Variants in CDC42EP2 observed in about 807,000 individuals in gnomAD.
The protein encoded by CDC42EP2 is CDC42 effector protein 2.
A neutral mutation model predicts 7.3 loss-of-function variants in CDC42EP2; 5 were observed. The ratio of observed to expected loss-of-function variants is 0.68; its 90% CI spans 0.36 to 1.44. The LOEUF (loss-of-function observed/expected upper bound fraction) is 1.44. CDC42EP2 is among the 40% of genes most tolerant of loss of function. The probability of loss-of-function intolerance (pLI) is 0.04; values close to 1 mark genes in which losing one functional copy is unlikely to be tolerated. For missense variants in CDC42EP2, 251 were observed against 282.6 expected, an observed-to-expected ratio of 0.89 and a Z score of 0.80; for synonymous variants, 113 against 123.6, an observed-to-expected ratio of 0.91 and a Z score of 0.57.
intron 1 of CDC42EP2, among the ~76,000 whole-genome samples, chr11:65,317,781 TATAA>T (rs1555026119): frequency 1.3e-5 from 2 of 152,006 alleles, no homozygotes; most frequent in Non-Finnish European, 2.9e-5. Context: ...AATATGTGCA[TATAA>T]ATAATACATT....
rs1271400013 is a variant in CDC42EP2, at chr11:65,315,210, C to T, written c.-356+256C>T. ...TCTGCCCTCCATTTTGTGTCCGGGC[C>T]CCCGCCCCCCTCCCGAGACCCAGGG... is the stretch of plus-strand genomic sequence containing the variant. On this transcript the variant is annotated intron_variant, in intron 1 of 1. Transcript: ENST00000279249. This position sits in a 1 kb window ranked among gnomAD's most constrained non-coding sequence, Gnocchi z 4.1. Among the ~76,000 whole-genome samples the T allele has an allele frequency of 1.3e-5, 2 of 152,230 alleles. No individual in the cohort carries two copies. The highest frequency in any genetic ancestry group is 2.4e-5 in the African/African-American group (1 of 41,466).
At position 65,321,643 on chromosome 11, in the gene CDC42EP2, T is replaced by C; in HGVS notation, c.*112T>C. 2.0e-6 allele frequency: 2 copies of C among 975,686 alleles called. No homozygotes were observed. The highest frequency in any genetic ancestry group is 2.5e-5 in the Admixed American group (1 of 40,750). The allele number at this position is 975,686 out of a possible 1,614,324, so 60.4% of individuals were successfully genotyped here. On this transcript the variant is annotated 3_prime_UTR_variant, in exon 2 of 2. Transcript: ENST00000279249. This position sits in a 1 kb window ranked among gnomAD's most constrained non-coding sequence, Gnocchi z 4.4. ...CCCAAGATCCCACCTGTATGGTCGC[T>C]GGCCAGTGATTCTCCTTCTGAGCCG...
rs1014185100 is a variant in CDC42EP2 at position 65,315,350 on chromosome 11, G to A, written c.-356+396G>A. ...AATGTCCTGAAACGGATCCGGGCTG[G>A]GCTGGGCTCCGCCCGGGTAGGAGTG... On this transcript the variant is annotated intron_variant, in intron 1 of 1. Coordinates refer to ENST00000279249, the MANE Select transcript of CDC42EP2 (RefSeq NM_006779.4). This position sits in a 1 kb window ranked among gnomAD's most constrained non-coding sequence, Gnocchi z 4.1. 5.9e-5 allele frequency among the ~76,000 whole-genome samples: 9 copies of A among 152,208 alleles called. No individual in the cohort carries two copies. The highest frequency in any genetic ancestry group is 8.8e-5 in the Non-Finnish European group (6 of 68,024).
At position 65,315,964 on chromosome 11, in the gene CDC42EP2, A is replaced by C. The variant is rs1399293382; in HGVS notation, c.-356+1010A>C. On this transcript the variant is annotated intron_variant, in intron 1 of 1. Coordinates refer to ENST00000279249, the MANE Select transcript of CDC42EP2 (RefSeq NM_006779.4). The surrounding 1 kb of genome is among the most constrained non-coding windows in gnomAD (Gnocchi z 4.1). ...AGGCCTTGTAGATATTTGCTGAATG[A>C]ATGATAAAACCTACAGTGACCCGCT... Among the ~76,000 whole-genome samples, 1 of 152,206 alleles carries C rather than the reference A, an allele frequency of 6.6e-6. No homozygotes were observed. The highest frequency in any genetic ancestry group is 1.5e-5 in the Non-Finnish European group (1 of 68,028).
chr11:65,318,167 C>A (rs1392440504), intron 1 of CDC42EP2, among the ~76,000 whole-genome samples: 4 of 151,854 alleles, frequency 2.6e-5, no homozygotes, highest in Admixed American at 2.0e-4. Context: ...ACGATCTAGG[C>A]CCACTGCAAC....
In CDC42EP2 at chr11:65,318,094, T is replaced by A. The variant is rs185293351; in HGVS notation, c.-355-2450T>A. On this transcript the variant is annotated intron_variant, in intron 1 of 1. Coordinates refer to ENST00000279249, the MANE Select transcript of CDC42EP2 (RefSeq NM_006779.4). ...TTCTCTGTGTTTTAAATTTTTTTTT[T>A]AATTTTTTTTATTTTTTTTGAGGCG... Among the ~76,000 whole-genome samples the A allele has an allele frequency of 5.5e-3, 823 of 150,532 alleles. 6 individuals are homozygous for A. Among genetic ancestry groups the A allele is most frequent in the African/African-American group, 0.017 (716 of 40,944 alleles).
rs1160319120 is a variant in CDC42EP2 at position 65,315,041 on chromosome 11, GCTCTGC to G, written c.-356+92_-356+97del. Reference sequence around the variant, plus strand: ...GCGCCCCGCCCCAGCTCGCGCCCTGGCTCTGCCTCTCACCTCACTCAGTTCCTTTCG... The same window carrying G: ...GCGCCCCGCCCCAGCTCGCGCCCTGGCTCTCACCTCACTCAGTTCCTTTCG... On this transcript the variant is annotated intron_variant, in intron 1 of 1. Coordinates refer to ENST00000279249, the MANE Select transcript of CDC42EP2 (RefSeq NM_006779.4). The surrounding 1 kb of genome is among the most constrained non-coding windows in gnomAD (Gnocchi z 4.1). 1 of 152,132 alleles carries G rather than the reference GCTCTGC, an allele frequency of 6.6e-6. No homozygotes were observed. Among genetic ancestry groups the G allele is most frequent in the Non-Finnish European group, 1.5e-5 (1 of 68,102 alleles). 9.4% of individuals were successfully genotyped at this position (152,132 alleles called of 1,614,324 possible).
At position 65,320,104 on chromosome 11, in the gene CDC42EP2, G is replaced by C. The variant is rs921603937; in HGVS notation, c.-355-440G>C. Reference sequence around the variant, plus strand: ...TTAGAGTGAAGACATGCTTCTCCCAGTACAATTCCCTGCAAGGGGAGTGCC... The same window carrying C: ...TTAGAGTGAAGACATGCTTCTCCCACTACAATTCCCTGCAAGGGGAGTGCC... On this transcript the variant is annotated intron_variant, in intron 1 of 1. Transcript: ENST00000279249. Among the ~76,000 whole-genome samples, 4 of 152,254 alleles carry C rather than the reference G, an allele frequency of 2.6e-5. No homozygotes were observed. In the South Asian group the frequency reaches 8.3e-4, roughly 32 times the overall value.
rs78764669 is a variant in CDC42EP2 at position 65,317,659 on chromosome 11, A to G, written c.-356+2705A>G. On this transcript the variant is annotated intron_variant, in intron 1 of 1. Transcript: ENST00000279249. ...GTCCCATGTGCGTCCCCCACCCTCA[A>G]GCAGAGGGAGTGCTTGCTTCATTTC... 9.2e-3 allele frequency among the ~76,000 whole-genome samples: 1,403 copies of G among 152,320 alleles called. 24 individuals carry two copies. The highest frequency in any genetic ancestry group is 0.032 in the African/African-American group (1,329 of 41,554).
At position 65,314,879 on chromosome 11, in the gene CDC42EP2, C is replaced by A. The variant is rs1381960335; in HGVS notation, c.-431C>A. 1 of 152,088 alleles carries A rather than the reference C, an allele frequency of 6.6e-6. No homozygotes were observed. The highest frequency in any genetic ancestry group is 1.5e-5 in the Non-Finnish European group (1 of 68,028). 9.4% of individuals were successfully genotyped at this position (152,088 alleles called of 1,614,324 possible). ...GCGGTGCACTCTGTAAGTTCACCGC[C>A]GGTCGGGTCCGGCCGCCGCGCTGTC... On this transcript the variant is annotated 5_prime_UTR_variant, in exon 1 of 2. Coordinates refer to ENST00000279249, the MANE Select transcript of CDC42EP2 (RefSeq NM_006779.4).
intron 1 of CDC42EP2, among the ~76,000 whole-genome samples, chr11:65,318,095 A>T (rs191619982): frequency 0.055 from 6,170 of 112,040 alleles, 136 homozygotes; most frequent in Middle Eastern, 0.086. Context: ...TTTTTTTTTT[A>T]ATTTTTTTTA....
rs867239078 is a variant in CDC42EP2 at position 65,321,064 on chromosome 11, T to C, written c.166T>C (p.Ser56Pro). 1 of 1,613,900 alleles carries C rather than the reference T, an allele frequency of 6.2e-7. No individual in the cohort carries two copies. The highest frequency in any genetic ancestry group is 1.3e-5 in the African/African-American group (1 of 74,896). Residue 56 changes from serine (S) to proline (P), a missense_variant, in exon 2 of 2, where the codon TCC (serine) becomes CCC (proline). Ser to Pro is a moderately conservative substitution (Grantham distance 74). Transcript: ENST00000279249. This position sits in a 1 kb window ranked among gnomAD's most constrained non-coding sequence, Gnocchi z 4.4. ...CGGCAGTGACATGTTTGGCGACATCTCCTTCCTGCAGGGCAAGTTCCACCT... is the reference window on the plus strand; with the variant it reads ...CGGCAGTGACATGTTTGGCGACATCCCCTTCCTGCAGGGCAAGTTCCACCT... ...GGGSDMFGDI[S>P]FLQGKFHLLP... is the part of the protein sequence containing the mutation.
chr11:65,321,304 G>T lies in CDC42EP2; in HGVS notation c.406G>T (p.Glu136Ter). ...APPKPPRLHLETPQPSPQEGG... is the reference protein window; with the variant it reads ...APPKPPRLHL ...ACCCAAGCCCCCTCGCCTGCACCTGGAGACCCCTCAGCCTTCCCCACAGGA... is the reference window on the plus strand; with the variant it reads ...ACCCAAGCCCCCTCGCCTGCACCTGTAGACCCCTCAGCCTTCCCCACAGGA... Residue 136 changes from glutamate to a stop codon, truncating the protein, a stop_gained, in exon 2 of 2, where the codon GAG (glutamate) becomes TAG (stop). Coordinates refer to ENST00000279249, the MANE Select transcript of CDC42EP2 (RefSeq NM_006779.4). LOFTEE classifies it high-confidence loss of function. The surrounding 1 kb of genome is among the most constrained non-coding windows in gnomAD (Gnocchi z 4.4). 2 of 1,613,966 alleles carry T rather than the reference G, an allele frequency of 1.2e-6. No individual in the cohort carries two copies. The highest frequency in any genetic ancestry group is 1.7e-6 in the Non-Finnish European group (2 of 1,180,020).
rs1464418512 is a variant in CDC42EP2 at position 65,315,973 on chromosome 11, A to T, written c.-356+1019A>T. Among the ~76,000 whole-genome samples the T allele has an allele frequency of 6.6e-6, 1 of 152,026 alleles. No individual in the cohort carries two copies. Among genetic ancestry groups the T allele is most frequent in the Non-Finnish European group, 1.5e-5 (1 of 67,986 alleles). On this transcript the variant is annotated intron_variant, in intron 1 of 1. Coordinates refer to ENST00000279249, the MANE Select transcript of CDC42EP2 (RefSeq NM_006779.4). This position sits in a 1 kb window ranked among gnomAD's most constrained non-coding sequence, Gnocchi z 4.1. ...AGATATTTGCTGAATGAATGATAAA[A>T]CCTACAGTGACCCGCTGAACCCCGC...
rs1949977994 is a variant in CDC42EP2 at position 65,322,033 on chromosome 11, C to G, written c.*502C>G. ...GATGTGTCCTGCCTCATCCCTAGCT[C>G]CAATCCCTTCCCCACGTGACCGGGG... On this transcript the variant is annotated 3_prime_UTR_variant, in exon 2 of 2. Coordinates refer to ENST00000279249, the MANE Select transcript of CDC42EP2 (RefSeq NM_006779.4). 1 of 168,786 alleles carries G rather than the reference C, an allele frequency of 5.9e-6. No individual in the cohort carries two copies. The highest frequency in any genetic ancestry group is 1.4e-5 in the Non-Finnish European group (1 of 69,340). The allele number at this position is 168,786 out of a possible 1,614,324, so 10.5% of individuals were successfully genotyped here. A position where few individuals can be genotyped will look rare whatever the true frequency, so the allele number is the denominator to read the frequency against.
chr11:65,317,905 A>G (rs958393573), intron 1 of CDC42EP2, among the ~76,000 whole-genome samples: 3 of 152,080 alleles, frequency 2.0e-5, no homozygotes, highest in African/African-American at 7.2e-5. Context: ...ATATTTATAT[A>G]TATTACACAC....
intron 1 of CDC42EP2, among the ~76,000 whole-genome samples, chr11:65,316,314 A>G (rs971433764): frequency 2.0e-5 from 3 of 152,132 alleles, no homozygotes; most frequent in East Asian, 1.9e-4. Context: ...GGATGCTCCT[A>G]TCTGCTCCCC....
At position 65,315,558 on chromosome 11, in the gene CDC42EP2, C is replaced by T. The variant is rs1015180830; in HGVS notation, c.-356+604C>T. The stretch of plus-strand genomic sequence containing the variant: ...AGACTAGGGCAGGGTCCCCAATCGC[C>T]CCCTTTTTCCCCGATTGTGGGACCA... On this transcript the variant is annotated intron_variant, in intron 1 of 1. Coordinates refer to ENST00000279249, the MANE Select transcript of CDC42EP2 (RefSeq NM_006779.4). This position sits in a 1 kb window ranked among gnomAD's most constrained non-coding sequence, Gnocchi z 4.1. Among the ~76,000 whole-genome samples, 4 of 152,262 alleles carry T rather than the reference C, an allele frequency of 2.6e-5. No homozygotes were observed. The highest frequency in any genetic ancestry group is 7.2e-5 in the African/African-American group (3 of 41,476).
intron 1 of CDC42EP2, among the ~76,000 whole-genome samples, chr11:65,316,053 T>C (rs908157502): frequency 1.3e-5 from 2 of 152,122 alleles, no homozygotes; most frequent in Non-Finnish European, 2.9e-5. Context: ...CCAGTGGCCC[T>C]TTAGTGGTGG....
Sources: allele counts gnomAD v4.1 joint callset (sites outside exome capture counted in the v4.1 genomes callset), GRCh38; gene constraint gnomAD v4.1.1; non-coding constraint Gnocchi (gnomAD v3.1); transcripts MANE v1.5; gene names NCBI Gene and HGNC (gene_info 2026-07-23, HGNC 2026-07-21).